Variants in ZNHIT6 observed in about 807,000 individuals in gnomAD.
ZNHIT6 encodes zinc finger HIT-type containing 6, also known as box C/D snoRNA protein 1.
ZNHIT6 carries 45 observed loss-of-function variants against 57.2 expected under a neutral mutation model. That is an observed-to-expected ratio of 0.79 (90% CI 0.62 to 1.01). The LOEUF is 1.01. ZNHIT6 is among the 50% of genes least tolerant of loss of function. The probability of loss-of-function intolerance (pLI) is 0.00; values close to 1 mark genes in which losing one functional copy is unlikely to be tolerated. For synonymous variants in ZNHIT6, 188 were observed against 190.0 expected (o/e 0.99, Z 0.09); for missense variants, 528 against 567.3 (o/e 0.93, Z 0.70).
intron 5 of ZNHIT6, among the ~76,000 whole-genome samples, chr1:85,701,478 C>G (rs1662527375): frequency 2.0e-5 from 3 of 152,198 alleles, no homozygotes; most frequent in African/African-American, 7.2e-5. Context: ...CTTCTGTACT[C>G]TTGGGGCCTT....
intron 8 of ZNHIT6, among the ~76,000 whole-genome samples, chr1:85,658,665 A>T (rs750333668): frequency 2.6e-4 from 39 of 152,086 alleles, no homozygotes; most frequent in Non-Finnish European, 4.7e-4. Context: ...TGAGGTTGGG[A>T]GTTTGAGACC....
chr1:85,692,575 C>A (rs1662250446), intron 5 of ZNHIT6, among the ~76,000 whole-genome samples: 1 of 152,160 alleles, frequency 6.6e-6, no homozygotes, highest in Non-Finnish European at 1.5e-5. Context: ...ATTATATAAT[C>A]CCCCAAAGCT....
At chr1:85,688,954 G>A (rs757339164) in intron 5 of ZNHIT6, among the ~76,000 whole-genome samples, 31 of 152,106 alleles carry the variant, frequency 2.0e-4, no homozygotes, top group Non-Finnish European at 5.9e-5. Context: ...TCTGTATATA[G>A]CTCAAATCTG....
At chr1:85,691,703 C>T (rs139846262) in intron 5 of ZNHIT6, among the ~76,000 whole-genome samples, 37 of 152,290 alleles carry the variant, frequency 2.4e-4, no homozygotes, top group East Asian at 7.7e-4. Context: ...CTGGCCAACA[C>T]GGTGAAATCC....
chr1:85,689,591 T>C (rs894051013), intron 5 of ZNHIT6, among the ~76,000 whole-genome samples: 3 of 152,204 alleles, frequency 2.0e-5, no homozygotes, highest in African/African-American at 4.8e-5. Context: ...CTATGTGGTA[T>C]TGGCTTTAGT....
chr1:85,690,954 A>T (rs1331923279), intron 5 of ZNHIT6, among the ~76,000 whole-genome samples: 1 of 152,166 alleles, frequency 6.6e-6, no homozygotes, highest in Admixed American at 6.5e-5. Context: ...TGAACCCAGG[A>T]GGTGGAGGGT....
Position 85,649,593 on chromosome 1 carries a change from C to T in ZNHIT6, c.*4465G>A, listed in dbSNP as rs1471097408. 6.6e-6 allele frequency: 1 copy of T among 152,176 alleles called. No homozygotes were observed. The highest frequency in any genetic ancestry group is 1.9e-4 in the East Asian group (1 of 5,198). 9.4% of individuals were successfully genotyped at this position (152,176 alleles called of 1,614,324 possible). ...TAGGTCATTTTAATGAACACATGCA[C>T]ACACACTTTAGTTTTCAAAGACCAA... On this transcript the variant is annotated 3_prime_UTR_variant, in exon 10 of 10. Transcript: ENST00000370574.
chr1:85,694,782 TG>T (rs1662319301), intron 5 of ZNHIT6, among the ~76,000 whole-genome samples: 1 of 152,086 alleles, frequency 6.6e-6, no homozygotes, highest in Admixed American at 6.5e-5. Context: ...TAATAAAATA[TG>T]GGAAAAAACT....
chr1:85,679,563 GTTTTTTTTTT>G (rs35523771), intron 6 of ZNHIT6, among the ~76,000 whole-genome samples: 1 of 135,274 alleles, frequency 7.4e-6, no homozygotes, highest in Non-Finnish European at 1.5e-5. Context: ...ACATTAAAAT[GTTTTTTTTTT>G]TTTTTTTTAA....
intron 4 of ZNHIT6, among the ~76,000 whole-genome samples, chr1:85,705,355 C>T (rs1662655466): frequency 6.6e-6 from 1 of 152,022 alleles, no homozygotes; most frequent in African/African-American, 2.4e-5. Flanking sequence ...GCTGGGAGTA[C>T]AGGGGCACGC....
At position 85,657,644 on chromosome 1, in the gene ZNHIT6, GT is replaced by G. The variant is rs1661097569; in HGVS notation, c.1372+202del. ...AATTTGATTTATTCACTTAAAATTG[GT>G]TTTATAAGATTATACGCTCTTAGAA... is the stretch of plus-strand genomic sequence containing the variant. On this transcript the variant is annotated intron_variant, in intron 9 of 9. Coordinates refer to ENST00000370574, the MANE Select transcript of ZNHIT6 (RefSeq NM_017953.4). 4.6e-5 allele frequency among the ~76,000 whole-genome samples: 7 copies of G among 152,160 alleles called. No homozygotes were observed. In the South Asian group the frequency reaches 1.5e-3, roughly 32 times the overall value.
chr1:85,701,464 T>C (rs965059346), intron 5 of ZNHIT6, among the ~76,000 whole-genome samples: 4 of 152,346 alleles, frequency 2.6e-5, no homozygotes, highest in Admixed American at 2.6e-4. Flanking sequence ...TGGGATCCTG[T>C]TCTCTTCTGT....
chr1:85,676,916 A>C (rs1218924363), intron 8 of ZNHIT6, among the ~76,000 whole-genome samples: 1 of 152,062 alleles, frequency 6.6e-6, no homozygotes, highest in Non-Finnish European at 1.5e-5. Flanking sequence ...GTTACCACAA[A>C]CCTTCAATTT....
At chr1:85,702,330 G>T in intron 4 of ZNHIT6, 70 bp from the exon 5 acceptor site, 1 of 911,084 alleles carries the variant, frequency 1.1e-6, no homozygotes, top group Non-Finnish European at 1.7e-6. Context: ...GTAAAACAAT[G>T]TTCAATAATA....
chr1:85,693,013 C>CAG (rs1662261334), intron 5 of ZNHIT6, among the ~76,000 whole-genome samples: 1 of 151,884 alleles, frequency 6.6e-6, no homozygotes, highest in Non-Finnish European at 1.5e-5. Flanking sequence ...AAGTAAAAGA[C>CAG]AGACACACAA....
At position 85,688,852 on chromosome 1, in the gene ZNHIT6, G is replaced by GA. The variant is rs150824002; in HGVS notation, c.1020-7949dup. ...CCATAAAGGACACAATAAAGAATCA[G>GA]AAAAAAAAATGGGTCCTTGATGATA... is the stretch of plus-strand genomic sequence containing the variant. On this transcript the variant is annotated intron_variant, in intron 5 of 9. Coordinates refer to ENST00000370574, the MANE Select transcript of ZNHIT6 (RefSeq NM_017953.4). Among the ~76,000 whole-genome samples the GA allele has an allele frequency of 7.3e-3, 1,097 of 150,222 alleles. 10 individuals are homozygous for GA. Among genetic ancestry groups the GA allele is most frequent in the African/African-American group, 0.025 (1,027 of 41,054 alleles).
chr1:85,687,819 A>C (rs1467324697), intron 5 of ZNHIT6, among the ~76,000 whole-genome samples: 1 of 152,210 alleles, frequency 6.6e-6, no homozygotes, highest in Non-Finnish European at 1.5e-5. Flanking sequence ...CTGTATCACT[A>C]ATTACATTAG....
intron 8 of ZNHIT6, among the ~76,000 whole-genome samples, chr1:85,673,510 A>G (rs1013008395): frequency 4.6e-5 from 7 of 152,252 alleles, no homozygotes; most frequent in African/African-American, 1.7e-4. Context: ...AAGAATGGAA[A>G]GTAAAACCAA....
rs897550499 is a variant in ZNHIT6, at chr1:85,653,953, A to G, written c.*105T>C. The G allele has an allele frequency of 1.2e-6, 1 of 837,508 alleles. No individual in the cohort carries two copies. The highest frequency in any genetic ancestry group is 2.5e-5 in the East Asian group (1 of 39,496). The allele number at this position is 837,508 out of a possible 1,614,324, so 51.9% of individuals were successfully genotyped here. On this transcript the variant is annotated 3_prime_UTR_variant, in exon 10 of 10. Transcript: ENST00000370574. ...AGCTTATTTTTCATACAAAGAAAAAATTCCAATCACCCATTGACAATACCC... is the reference window on the plus strand; with the variant it reads ...AGCTTATTTTTCATACAAAGAAAAAGTTCCAATCACCCATTGACAATACCC...
Sources: gnomAD v4.1 joint callset for allele counts (sites outside exome capture counted in the v4.1 genomes callset) on GRCh38, gnomAD v4.1.1 for gene constraint, MANE v1.5 for transcripts, NCBI Gene and HGNC (gene_info 2026-07-23, HGNC 2026-07-21) for gene names.